The following ADCY5 variants were observed in gnomAD, a reference collection of about 807,000 sequenced individuals.
The protein encoded by ADCY5 is adenylate cyclase type 5.
ADCY5 carries 30 observed loss-of-function variants against 119.7 expected under a neutral mutation model. The observed-to-expected ratio is 0.25, with a 90% CI of 0.19 to 0.34. The LOEUF is 0.34. ADCY5 is among the 10% of genes least tolerant of loss of function. ADCY5 has a pLI of 1.00. For missense variants in ADCY5, 1,324 were observed against 1,775.2 expected (o/e 0.75, Z 4.57); for synonymous variants, 753 against 762.2 (o/e 0.99, Z 0.20).
intron 1 of ADCY5, among the ~76,000 whole-genome samples, chr3:123,420,900 T>C (rs1945290694): frequency 6.6e-6 from 1 of 152,208 alleles, no homozygotes; most frequent in Non-Finnish European, 1.5e-5. Flanking sequence ...GCCTCTCTCC[T>C]GGCTTGTGGT....
chr3:123,397,126 G>T (rs1195380176), intron 1 of ADCY5, among the ~76,000 whole-genome samples: 3 of 152,178 alleles, frequency 2.0e-5, no homozygotes, highest in African/African-American at 7.2e-5. Flanking sequence ...CCTAAGAATG[G>T]GTGGAACTAG....
At chr3:123,402,016 G>A (rs1944769903) in intron 1 of ADCY5, among the ~76,000 whole-genome samples, 1 of 152,200 alleles carries the variant, frequency 6.6e-6, no homozygotes, top group Non-Finnish European at 1.5e-5. Context: ...ATGAAGAGAA[G>A]CTTATCCACC....
chr3:123,359,614 T>C (rs1050797426), intron 1 of ADCY5, among the ~76,000 whole-genome samples: 13 of 151,912 alleles, frequency 8.6e-5, no homozygotes, highest in East Asian at 1.9e-4. Context: ...GCCAAAGAGG[T>C]AAGATCTGAT....
At position 123,286,982 on chromosome 3, in the gene ADCY5, T is replaced by G. The variant is rs1938816330; in HGVS notation, c.3533-173A>C. On this transcript the variant is annotated intron_variant, in intron 19 of 20. Coordinates refer to ENST00000462833, the MANE Select transcript of ADCY5 (RefSeq NM_183357.3). This position sits in a 1 kb window ranked among gnomAD's most constrained non-coding sequence, Gnocchi z 4.2. ...CTCCCGCTACCCTGCTCCTGTCAAA[T>G]GCCTGTGAATGCAAGACACAAGGAG... 4 of 835,248 alleles carry G rather than the reference T, an allele frequency of 4.8e-6. No individual in the cohort carries two copies. The highest frequency in any genetic ancestry group is 7.0e-6 in the Non-Finnish European group (4 of 573,476). 51.7% of individuals were successfully genotyped at this position (835,248 alleles called of 1,614,324 possible).
Position 123,374,262 on chromosome 3 carries a change from C to T in ADCY5, c.1135-21681G>A, listed in dbSNP as rs139422073. Among the ~76,000 whole-genome samples the T allele has an allele frequency of 1.4e-4, 22 of 152,236 alleles. No homozygotes were observed. In the East Asian group the frequency reaches 4.2e-3, roughly 29 times the overall value. On this transcript the variant is annotated intron_variant, in intron 1 of 20. Transcript: ENST00000462833. ...TGGGGCAGTGAAGAGGCCACCATAGCAGGATCAGAGAGCGACAGATGATGA... is the reference window on the plus strand; with the variant it reads ...TGGGGCAGTGAAGAGGCCACCATAGTAGGATCAGAGAGCGACAGATGATGA...
chr3:123,391,633 T>C (rs1944403867), intron 1 of ADCY5, among the ~76,000 whole-genome samples: 1 of 152,262 alleles, frequency 6.6e-6, no homozygotes, highest in South Asian at 2.1e-4. Context: ...TACAGAAATA[T>C]TACCAAAATA....
At chr3:123,309,236 G>T (rs1940409164) in intron 12 of ADCY5, among the ~76,000 whole-genome samples, 1 of 152,186 alleles carries the variant, frequency 6.6e-6, no homozygotes, top group Non-Finnish European at 1.5e-5. Context: ...AAATTGGATG[G>T]CAAAACAGTT....
Position 123,448,151 on chromosome 3 carries a change from G to C in ADCY5, c.395C>G (p.Pro132Arg), listed in dbSNP as rs1455648014. 13 of 1,039,154 alleles carry C rather than the reference G, an allele frequency of 1.3e-5. No homozygotes were observed. The highest frequency in any genetic ancestry group is 4.5e-4 in the Middle Eastern group (1 of 2,204). The allele number at this position is 1,039,154 out of a possible 1,614,324, so 64.4% of individuals were successfully genotyped here. ...AASGGSTRAP[P>R]AGGGGGSAAA... Reference sequence around the variant, plus strand: ...CGCCGAGCCGCCGCCGCCGCCCGCAGGGGGCGCCCGGGTGCTGCCCCCGCT... The same window carrying C: ...CGCCGAGCCGCCGCCGCCGCCCGCACGGGGCGCCCGGGTGCTGCCCCCGCT... Residue 132 changes from proline to arginine, a missense_variant, in exon 1 of 21, where the codon CCT becomes CGT. Coordinates refer to ENST00000462833, the MANE Select transcript of ADCY5 (RefSeq NM_183357.3).
At chr3:123,396,779 A>AAGGCAGGC (rs1195206250) in intron 1 of ADCY5, among the ~76,000 whole-genome samples, 46 of 69,974 alleles carry the variant, frequency 6.6e-4, no homozygotes, top group African/African-American at 1.3e-3. Flanking sequence ...GGAAGGAAGG[A>AAGGCAGGC]AGGCAGGCAG....
At chr3:123,441,753 A>G (rs1945725794) in intron 1 of ADCY5, among the ~76,000 whole-genome samples, 1 of 152,152 alleles carries the variant, frequency 6.6e-6, no homozygotes, top group South Asian at 2.1e-4. Flanking sequence ...TCTCCTTTGA[A>G]GTCTAGAATC....
intron 1 of ADCY5, among the ~76,000 whole-genome samples, chr3:123,402,131 C>T (rs1174564875): frequency 2.0e-5 from 3 of 152,150 alleles, no homozygotes; most frequent in Non-Finnish European, 2.9e-5. Context: ...CCATGGCCCT[C>T]GTCTCTCTAT....
intron 1 of ADCY5, among the ~76,000 whole-genome samples, chr3:123,358,978 C>A (rs1295095585): frequency 6.6e-6 from 1 of 152,142 alleles, no homozygotes; most frequent in Non-Finnish European, 1.5e-5. Context: ...CATGGGCCCA[C>A]TGCAACAGGC....
chr3:123,349,025 G>T (rs2108486763), intron 2 of ADCY5, among the ~76,000 whole-genome samples: 1 of 152,188 alleles, frequency 6.6e-6, no homozygotes, highest in Non-Finnish European at 1.5e-5. Flanking sequence ...CCTGCACTCT[G>T]GGAGTAAGTC....
intron 1 of ADCY5, among the ~76,000 whole-genome samples, chr3:123,406,694 G>A (rs1944910730): frequency 6.6e-6 from 1 of 152,072 alleles, no homozygotes; most frequent in African/African-American, 2.4e-5. Context: ...ATGGCTTAAT[G>A]AGCACTGGCT....
At chr3:123,446,460 C>T (rs1329132845) in intron 1 of ADCY5, among the ~76,000 whole-genome samples, 3 of 152,134 alleles carry the variant, frequency 2.0e-5, no homozygotes, top group African/African-American at 7.2e-5. Context: ...CAAGCAGGTT[C>T]AGAAGCAATC....
intron 12 of ADCY5, among the ~76,000 whole-genome samples, chr3:123,308,244 A>C (rs553462537): frequency 6.6e-6 from 1 of 151,652 alleles, no homozygotes; most frequent in Non-Finnish European, 1.5e-5. Context: ...TCACTGTGTT[A>C]GCCAGGATGG....
chr3:123,408,890 G>A (rs1385570689), intron 1 of ADCY5, among the ~76,000 whole-genome samples: 7 of 142,502 alleles, frequency 4.9e-5, no homozygotes, highest in African/African-American at 7.9e-5. Flanking sequence ...CAGGAGAATC[G>A]TTTGAACCCA....
chr3:123,290,039 G>A (rs1015254101), intron 18 of ADCY5, 85 bp from the exon 19 acceptor site: 3 of 1,359,276 alleles, frequency 2.2e-6, no homozygotes, highest in Non-Finnish European at 3.1e-6. Context: ...CCAGGGAAGT[G>A]CAGCAGCATG....
Position 123,447,597 on chromosome 3 carries a change from G to A in ADCY5, c.949C>T (p.Leu317=), listed in dbSNP as rs1409548618. 6.2e-7 allele frequency: 1 copy of A among 1,607,814 alleles called. No homozygotes were observed. The highest frequency in any genetic ancestry group is 8.5e-7 in the Non-Finnish European group (1 of 1,179,100). Residue 317 remains leucine (L), a synonymous_variant, in exon 1 of 21, where the codon CTG becomes TTG. Coordinates refer to ENST00000462833, the MANE Select transcript of ADCY5 (RefSeq NM_183357.3). ...AVVLAVQVVG[L]LLPQPRSASE... is the part of the protein sequence containing the mutation. ...GCGCTGCGTGGCTGCGGCAGCAGCA[G>A]GCCCACCACCTGGACGGCCAGCACC...
Sources: gnomAD v4.1 joint callset for allele counts (sites outside exome capture counted in the v4.1 genomes callset) on GRCh38, gnomAD v4.1.1 for gene constraint, Gnocchi (gnomAD v3.1) non-coding constraint, MANE v1.5 for transcripts, NCBI Gene and HGNC (gene_info 2026-07-23, HGNC 2026-07-21) for gene names.